Variants in ATP13A1 observed in about 807,000 individuals in gnomAD.
ATP13A1 encodes the protein ATPase 13A1.
ATP13A1 carries 55 observed loss-of-function variants against 134.8 expected under a neutral mutation model. That is an observed-to-expected ratio of 0.41 (90% CI 0.33 to 0.51). The LOEUF is 0.51. Ranked by LOEUF, ATP13A1 falls within the 20% of genes least tolerant of loss-of-function variation. The pLI is 0.29. For synonymous variants in ATP13A1, 775 were observed against 725.1 expected, an observed-to-expected ratio of 1.07 and a Z score of -1.10; for missense variants, 1,389 against 1,652.8, an observed-to-expected ratio of 0.84 and a Z score of 2.77.
Position 19,655,781 on chromosome 19 carries a change from G to A in ATP13A1, c.1269+97C>T, listed in dbSNP as rs2062053544. 6 of 1,533,066 alleles carry A rather than the reference G, an allele frequency of 3.9e-6. No individual in the cohort carries two copies. Among genetic ancestry groups the A allele is most frequent in the African/African-American group, 1.4e-5 (1 of 73,074 alleles). 95.0% of individuals were successfully genotyped at this position (1,533,066 alleles called of 1,614,324 possible). ...CCAGGTCCAGGGCCGTGCTGCCAGA[G>A]TCAGCCCGTGGGGCAGATGTTCTGG... On this transcript the variant is annotated intron_variant, in intron 9 of 25. Transcript: ENST00000357324. The surrounding 1 kb of genome is among the most constrained non-coding windows in gnomAD (Gnocchi z 5.7).
In ATP13A1 at chr19:19,663,532, G is replaced by A. The variant is rs779303119; in HGVS notation, c.135C>T (p.Asn45=). 2.0e-6 allele frequency: 3 copies of A among 1,527,560 alleles called. No homozygotes were observed. The highest frequency in any genetic ancestry group is 2.6e-6 in the Non-Finnish European group (3 of 1,143,822). 94.6% of individuals were successfully genotyped at this position (1,527,560 alleles called of 1,614,324 possible). A position where few individuals can be genotyped will look rare whatever the true frequency, so the allele number is the denominator to read the frequency against. The stretch of plus-strand genomic sequence containing the variant: ...ACACGGCAGCCACCAGCTCGTCACC[G>A]TTCGCTATGAGCGCCGGCCCGGCGG... The part of the protein sequence containing the change: ...LLAAGPALIA[N]GDELVAAVWP... Residue 45 remains asparagine, a synonymous_variant, in exon 1 of 26, where the codon AAC becomes AAT. Coordinates refer to ENST00000357324, the MANE Select transcript of ATP13A1 (RefSeq NM_020410.3).
intron 4 of ATP13A1, 21 bp downstream of exon 4, chr19:19,657,315 G>A: frequency 1.3e-6 from 2 of 1,557,254 alleles, no homozygotes; most frequent in South Asian, 1.2e-5. Flanking sequence ...ATGGGGAGAT[G>A]GGCCAGAGCT....
intron 12 of ATP13A1, 97 bp from the exon 13 acceptor site, chr19:19,654,797 G>T: frequency 7.1e-7 from 1 of 1,412,552 alleles, no homozygotes; most frequent in Non-Finnish European, 9.5e-7. Context: ...TTCATTCCGT[G>T]CTTGTCACTG....
In ATP13A1 at chr19:19,646,952, G is replaced by C. The variant is rs549016385; in HGVS notation, c.3105+177C>G. 503 of 682,104 alleles carry C rather than the reference G, an allele frequency of 7.4e-4. 5 individuals are homozygous for C. The Admixed American group carries it at 0.013, about 17-fold the overall frequency. 42.3% of individuals were successfully genotyped at this position (682,104 alleles called of 1,614,324 possible). ...GACGCCAAGCTGTACCACCTGGAGG[G>C]GTCTGGGAGCCTCAGTCCACACCTG... On this transcript the variant is annotated intron_variant, in intron 22 of 25. Transcript: ENST00000357324.
In ATP13A1 at chr19:19,647,049, G is replaced by C. The variant is rs992667420; in HGVS notation, c.3105+80C>G. 4 of 1,442,106 alleles carry C rather than the reference G, an allele frequency of 2.8e-6. No individual in the cohort carries two copies. Among genetic ancestry groups the C allele is most frequent in the Non-Finnish European group, 1.9e-6 (2 of 1,067,880 alleles). 89.3% of individuals were successfully genotyped at this position (1,442,106 alleles called of 1,614,324 possible). The stretch of plus-strand genomic sequence containing the variant: ...GGGGCCCTGGGTCCTGTAACTTGGG[G>C]ATGACAATTCCCGTGCCTATATCAG... On this transcript the variant is annotated intron_variant, in intron 22 of 25. Transcript: ENST00000357324. This position sits in a 1 kb window ranked among gnomAD's most constrained non-coding sequence, Gnocchi z 4.8.
chr19:19,647,876 A>C lies in ATP13A1; in HGVS notation c.2633-117T>G. 2 of 1,308,758 alleles carry C rather than the reference A, an allele frequency of 1.5e-6. No homozygotes were observed. The highest frequency in any genetic ancestry group is 2.0e-6 in the Non-Finnish European group (2 of 978,034). 81.1% of individuals were successfully genotyped at this position (1,308,758 alleles called of 1,614,324 possible). On this transcript the variant is annotated intron_variant, in intron 19 of 25. Transcript: ENST00000357324. The surrounding 1 kb of genome is among the most constrained non-coding windows in gnomAD (Gnocchi z 4.8). ...GCTGGCTCCCGTGAGGACAGTTCCC[A>C]GACTTCCCCATTTCACCTGACACCC... is the stretch of plus-strand genomic sequence containing the variant.
At position 19,656,562 on chromosome 19, in the gene ATP13A1, G is replaced by A. The variant is rs1275194586; in HGVS notation, c.1083+98C>T. On this transcript the variant is annotated intron_variant, in intron 7 of 25. Coordinates refer to ENST00000357324, the MANE Select transcript of ATP13A1 (RefSeq NM_020410.3). This position sits in a 1 kb window ranked among gnomAD's most constrained non-coding sequence, Gnocchi z 4.6. ...CATCTGTGCCCACACTGCCTCCTCC[G>A]CCTGTGCCTGAGGGGGATCCCCGCC... is the stretch of plus-strand genomic sequence containing the variant. 7 of 1,287,746 alleles carry A rather than the reference G, an allele frequency of 5.4e-6. No individual in the cohort carries two copies. Among genetic ancestry groups the A allele is most frequent in the South Asian group, 2.7e-5 (2 of 73,738 alleles). 79.8% of individuals were successfully genotyped at this position (1,287,746 alleles called of 1,614,324 possible).
chr19:19,653,667 G>T lies in ATP13A1; in HGVS notation c.2100+117C>A. Reference sequence around the variant, plus strand: ...CTCCAAAGGTAGAAGCTGGAGGCGGGGCAAGGAGGACAAAATCACAACCAT... The same window carrying T: ...CTCCAAAGGTAGAAGCTGGAGGCGGTGCAAGGAGGACAAAATCACAACCAT... On this transcript the variant is annotated intron_variant, in intron 15 of 25. Transcript: ENST00000357324. The surrounding 1 kb of genome is among the most constrained non-coding windows in gnomAD (Gnocchi z 4.2). The T allele has an allele frequency of 1.0e-6, 1 of 983,328 alleles. No individual in the cohort carries two copies. The highest frequency in any genetic ancestry group is 1.5e-6 in the Non-Finnish European group (1 of 672,418). The allele number at this position is 983,328 out of a possible 1,614,324, so 60.9% of individuals were successfully genotyped here. A position where few individuals can be genotyped will look rare whatever the true frequency, so the allele number is the denominator to read the frequency against.
rs1599424510 is a variant in ATP13A1, at chr19:19,645,280, T to G, written c.*142A>C. ...TGCTGGCCAAGCCAGCGGATGGCTG[T>G]GGGGGTCCCAGCTCAGTCTTCCAAG... is the stretch of plus-strand genomic sequence containing the variant. On this transcript the variant is annotated 3_prime_UTR_variant, in exon 26 of 26. Coordinates refer to ENST00000357324, the MANE Select transcript of ATP13A1 (RefSeq NM_020410.3). This position sits in a 1 kb window ranked among gnomAD's most constrained non-coding sequence, Gnocchi z 4.1. The G allele has an allele frequency of 1.1e-6, 1 of 916,628 alleles. No individual in the cohort carries two copies. The highest frequency in any genetic ancestry group is 1.7e-5 in the African/African-American group (1 of 59,902). 56.8% of individuals were successfully genotyped at this position (916,628 alleles called of 1,614,324 possible).
intron 1 of ATP13A1, among the ~76,000 whole-genome samples, chr19:19,661,300 C>T (rs749751975): frequency 1.2e-4 from 18 of 152,150 alleles, no homozygotes; most frequent in Non-Finnish European, 2.4e-4. Context: ...CACAGGCCCC[C>T]GGCCTCCTGC....
rs1371625853 is a variant in ATP13A1 at position 19,663,439 on chromosome 19, C to T, written c.228G>A (p.Pro76=). 1 of 1,563,356 alleles carries T rather than the reference C, an allele frequency of 6.4e-7. No homozygotes were observed. The highest frequency in any genetic ancestry group is 8.6e-7 in the Non-Finnish European group (1 of 1,157,558). Residue 76 remains proline, a synonymous_variant, in exon 1 of 26, where the codon CCG becomes CCA. Transcript: ENST00000357324. ...CAGCGGCTGCGGCACCCAACCAGGC[C>T]GGGTAAAGCAGCCCGGCGAATGGCA... The part of the protein sequence containing the change: ...TVLPFAGLLY[P]AWLGAAAAGC...
Position 19,653,520 on chromosome 19 carries a change from G to A in ATP13A1, c.2100+264C>T, listed in dbSNP as rs538307869. Reference sequence around the variant, plus strand: ...TGCCACCTAGCCCTGCCCAAGACCAGGGCAAAAGAGTAGAGCTAGGGACAC... The same window carrying A: ...TGCCACCTAGCCCTGCCCAAGACCAAGGCAAAAGAGTAGAGCTAGGGACAC... On this transcript the variant is annotated intron_variant, in intron 15 of 25. Coordinates refer to ENST00000357324, the MANE Select transcript of ATP13A1 (RefSeq NM_020410.3). The surrounding 1 kb of genome is among the most constrained non-coding windows in gnomAD (Gnocchi z 4.2). The A allele has an allele frequency of 3.8e-5, 20 of 526,784 alleles. No individual in the cohort carries two copies. The highest frequency in any genetic ancestry group is 5.0e-4 in the Middle Eastern group (1 of 2,000). The allele number at this position is 526,784 out of a possible 1,614,324, so 32.6% of individuals were successfully genotyped here.
chr19:19,655,213 T>C lies in ATP13A1; in HGVS notation c.1561A>G (p.Ile521Val), dbSNP rs774388062. 5.6e-6 allele frequency: 9 copies of C among 1,613,842 alleles called. No homozygotes were observed. The East Asian group carries it at 6.7e-5, about 12-fold the overall frequency. The change falls in exon 12 of 26, where the codon ATC (isoleucine) becomes GTC (valine). Residue 521 changes from isoleucine (I) to valine (V), a missense_variant. This residue lies in a region of ATP13A1 where 747 missense variants were observed against 956.1 expected (regional missense o/e 0.78). Transcript: ENST00000357324. The surrounding 1 kb of genome is among the most constrained non-coding windows in gnomAD (Gnocchi z 5.7). The stretch of plus-strand genomic sequence containing the variant: ...ACCTCGACCTTGCCAGCAAAGGGGA[T>C]CCGGAAGGGCTCTGTGCAGTACATG... Reference protein sequence around the residue: ...LYMYCTEPFRIPFAGKVEVCC... With the variant: ...LYMYCTEPFRVPFAGKVEVCC...
Position 19,655,758 on chromosome 19 carries a change from A to G in ATP13A1, c.1270-104T>C. 1 of 1,535,376 alleles carries G rather than the reference A, an allele frequency of 6.5e-7. No homozygotes were observed. Among genetic ancestry groups the G allele is most frequent in the Non-Finnish European group, 8.8e-7 (1 of 1,138,362 alleles). On this transcript the variant is annotated intron_variant, in intron 9 of 25. Transcript: ENST00000357324. The surrounding 1 kb of genome is among the most constrained non-coding windows in gnomAD (Gnocchi z 5.7). ...TGGGGTGGCCTCTGCACCCTGGCCCAGGTCCAGGGCCGTGCTGCCAGAGTC... is the reference window on the plus strand; with the variant it reads ...TGGGGTGGCCTCTGCACCCTGGCCCGGGTCCAGGGCCGTGCTGCCAGAGTC...
chr19:19,645,498 T>G lies in ATP13A1; in HGVS notation c.3539A>C (p.Asp1180Ala). 1 of 1,607,050 alleles carries G rather than the reference T, an allele frequency of 6.2e-7. No individual in the cohort carries two copies. Among genetic ancestry groups the G allele is most frequent in the Non-Finnish European group, 8.5e-7 (1 of 1,177,058 alleles). ...KLVIAQVLLL[D>A]FCLALLADRV... ...GTCGGCCAGGAGCGCCAGGCAGAAG[T>G]CCAGGAGCAGGACCTGGGCAATGAC... Residue 1180 changes from aspartate to alanine, a missense_variant, in exon 26 of 26, where the codon GAC (aspartate) becomes GCC (alanine). Asp to Ala is a moderately radical substitution (Grantham distance 126). Around this residue, in one of 4 missense-constraint regions of ATP13A1, gnomAD observed 228 missense variants for 321.0 expected, o/e 0.71. Transcript: ENST00000357324. This position sits in a 1 kb window ranked among gnomAD's most constrained non-coding sequence, Gnocchi z 4.1.
Position 19,647,372 on chromosome 19 carries a change from AGG to A in ATP13A1, c.2908+40_2908+41del. On this transcript the variant is annotated intron_variant, in intron 21 of 25. Transcript: ENST00000357324. This position sits in a 1 kb window ranked among gnomAD's most constrained non-coding sequence, Gnocchi z 4.8. ...GGTGTGGGTGTGGGTAGGGGTGCCAAGGGGGGAATGAAGGGAGGGGGAGCGGG... is the reference window on the plus strand; with the variant it reads ...GGTGTGGGTGTGGGTAGGGGTGCCAAGGGGAATGAAGGGAGGGGGAGCGGG... 1 of 1,417,550 alleles carries A rather than the reference AGG, an allele frequency of 7.1e-7. No homozygotes were observed. 87.8% of individuals were successfully genotyped at this position (1,417,550 alleles called of 1,614,324 possible).
intron 3 of ATP13A1, among the ~76,000 whole-genome samples, chr19:19,659,285 A>G (rs2145018094): frequency 6.6e-6 from 1 of 152,148 alleles, no homozygotes; most frequent in Non-Finnish European, 1.5e-5. Context: ...TGAAACCCCC[A>G]TCTCTACTAA....
Position 19,649,755 on chromosome 19 carries a change from C to G in ATP13A1, c.2521G>C (p.Ala841Pro). ...IPHVQVFARV[A>P]PKQKEFVITS... ...TGTGCACATACCTTCTGCTTGGGAG[C>G]CACACGGGCGAACACCTGCACATGG... Residue 841 changes from alanine to proline, a missense_variant, in exon 18 of 26, where the codon GCT becomes CCT. Ala to Pro is a conservative substitution (Grantham distance 27). This residue lies in a region of ATP13A1 where 747 missense variants were observed against 956.1 expected (regional missense o/e 0.78). Transcript: ENST00000357324. 6.2e-7 allele frequency: 1 copy of G among 1,600,598 alleles called. No individual in the cohort carries two copies. Among genetic ancestry groups the G allele is most frequent in the Non-Finnish European group, 8.5e-7 (1 of 1,172,642 alleles).
Position 19,655,608 on chromosome 19 carries a change from G to A in ATP13A1, c.1316C>T (p.Ala439Val), listed in dbSNP as rs2062052341. 6 of 1,613,790 alleles carry A rather than the reference G, an allele frequency of 3.7e-6. No individual in the cohort carries two copies. The highest frequency in any genetic ancestry group is 5.1e-6 in the Non-Finnish European group (6 of 1,179,822). Reference protein sequence around the residue: ...TILFGVKRVTANNLETFIFIL... With the variant: ...TILFGVKRVTVNNLETFIFIL... ...GAAGATGAAGGTCTCCAGGTTGTTC[G>A]CAGTCACCCTCTTGACCCCGAAGAG... Residue 439 changes from alanine (A) to valine (V), a missense_variant, in exon 10 of 26, where the codon GCG (alanine) becomes GTG (valine). Around this residue, in one of 4 missense-constraint regions of ATP13A1, gnomAD observed 747 missense variants for 956.1 expected, o/e 0.78. Coordinates refer to ENST00000357324, the MANE Select transcript of ATP13A1 (RefSeq NM_020410.3). The surrounding 1 kb of genome is among the most constrained non-coding windows in gnomAD (Gnocchi z 5.7).
Sources: gnomAD v4.1 joint callset for allele counts (sites outside exome capture counted in the v4.1 genomes callset) on GRCh38, gnomAD v4.1.1 for gene constraint, gnomAD v4.1.1 regional missense constraint, Gnocchi (gnomAD v3.1) non-coding constraint, MANE v1.5 for transcripts, NCBI Gene and HGNC (gene_info 2026-07-23, HGNC 2026-07-21) for gene names.